The following DAAM1 variants were observed in gnomAD, a reference collection of about 807,000 sequenced individuals.
DAAM1 encodes dishevelled associated activator of morphogenesis 1.
DAAM1 carries 52 observed loss-of-function variants against 130.0 expected under a neutral mutation model. That is an observed-to-expected ratio of 0.40 (90% CI 0.32 to 0.50). DAAM1 has a LOEUF of 0.50. Among genes scored for constraint, DAAM1 ranks in the 20% least tolerant of loss-of-function variants. The pLI, the probability that DAAM1 is intolerant of heterozygous loss-of-function variation, is 0.61. For synonymous variants in DAAM1, 452 were observed against 444.5 expected (o/e 1.02, Z -0.21); for missense variants, 1,134 against 1,303.8 (o/e 0.87, Z 2.01).
intron 2 of DAAM1, among the ~76,000 whole-genome samples, chr14:59,279,500 G>C (rs1883117970): frequency 6.6e-6 from 1 of 152,102 alleles, no homozygotes; most frequent in Non-Finnish European, 1.5e-5. Context: ...CTATCTAAAT[G>C]AATATGCATA....
At chr14:59,306,490 C>T (rs10143918) in intron 3 of DAAM1, among the ~76,000 whole-genome samples, 45,989 of 151,998 alleles carry the variant, frequency 0.3, 7,077 homozygotes, top group African/African-American at 0.34. Context: ...TGTTTAGCAG[C>T]ATAGTATTAA....
At chr14:59,299,163 G>A (rs964289686) in intron 3 of DAAM1, among the ~76,000 whole-genome samples, 6 of 152,104 alleles carry the variant, frequency 3.9e-5, no homozygotes, top group Admixed American at 1.3e-4. Flanking sequence ...CCTGAATTAC[G>A]TTTGTTCCTC....
intron 3 of DAAM1, among the ~76,000 whole-genome samples, chr14:59,299,038 G>A (rs1244122710): frequency 6.6e-6 from 1 of 152,154 alleles, no homozygotes; most frequent in Middle Eastern, 3.2e-3. Context: ...CTGCAATATT[G>A]TGGACAAACT....
intron 1 of DAAM1, among the ~76,000 whole-genome samples, 171 bp downstream of exon 1, chr14:59,188,939 G>T (rs1887637902): frequency 6.6e-6 from 1 of 152,202 alleles, no homozygotes; most frequent in South Asian, 2.1e-4. Context: ...CGTCCTTCAG[G>T]TTGGGTCTGG....
At chr14:59,277,743 C>T (rs117328594) in intron 2 of DAAM1, among the ~76,000 whole-genome samples, 170 of 152,172 alleles carry the variant, frequency 1.1e-3, no homozygotes, top group Non-Finnish European at 2.0e-3. Flanking sequence ...GAAAGGAGCT[C>T]GGCCACCCAA....
At chr14:59,249,863 A>G (rs754430816) in intron 1 of DAAM1, among the ~76,000 whole-genome samples, 7 of 152,182 alleles carry the variant, frequency 4.6e-5, no homozygotes, top group Admixed American at 6.5e-5. Flanking sequence ...TGTGGCTTAT[A>G]TGCACTTTTT....
At chr14:59,198,979 C>T (rs1380444828) in intron 1 of DAAM1, among the ~76,000 whole-genome samples, 1 of 152,160 alleles carries the variant, frequency 6.6e-6, no homozygotes, top group Non-Finnish European at 1.5e-5. Context: ...AAAATAATGA[C>T]CTCACTTATG....
intron 1 of DAAM1, among the ~76,000 whole-genome samples, chr14:59,241,214 A>G (rs894018574): frequency 6.6e-6 from 1 of 152,234 alleles, no homozygotes; most frequent in Non-Finnish European, 1.5e-5. Context: ...GTTATACAAT[A>G]TGTTCTCTCC....
At chr14:59,195,145 T>A (rs1018614825) in intron 1 of DAAM1, among the ~76,000 whole-genome samples, 3 of 142,728 alleles carry the variant, frequency 2.1e-5, no homozygotes, top group African/African-American at 7.9e-5. Flanking sequence ...GTTATACTTT[T>A]TTTTTTTTTT....
chr14:59,234,486 G>T (rs993511838), intron 1 of DAAM1, among the ~76,000 whole-genome samples: 53 of 152,126 alleles, frequency 3.5e-4, no homozygotes, highest in Non-Finnish European at 6.3e-4. Context: ...TGTATCCTGA[G>T]ACTTTGCTGA....
Position 59,274,694 on chromosome 14 carries a change from CTG to C in DAAM1, c.183+11037_183+11038del, listed in dbSNP as rs781409876. Among the ~76,000 whole-genome samples the C allele has an allele frequency of 1.2e-3, 185 of 152,272 alleles. 4 individuals carry two copies. The highest frequency in any genetic ancestry group is 7.2e-4 in the Admixed American group (11 of 15,296). On this transcript the variant is annotated intron_variant, in intron 2 of 24. Coordinates refer to ENST00000360909, the MANE Select transcript of DAAM1 (RefSeq NM_001270520.2). ...TATGCATGCATGCATGAATTAATAA[CTG>C]TGGAATCCTGCAGCAGTTGGGTTTG...
intron 2 of DAAM1, among the ~76,000 whole-genome samples, chr14:59,278,244 T>G (rs938131526): frequency 1.4e-4 from 21 of 152,136 alleles, no homozygotes; most frequent in Non-Finnish European, 2.5e-4. Context: ...AGCCTACTAT[T>G]GACCTTGAGA....
In DAAM1 at chr14:59,370,380, A is replaced by G. The variant is rs1409539792; in HGVS notation, c.*1521A>G. On this transcript the variant is annotated 3_prime_UTR_variant, in exon 25 of 25. Transcript: ENST00000360909. The stretch of plus-strand genomic sequence containing the variant: ...GCATAGTAGGGCTACAATGGTAAGC[A>G]AGACAGAGTCCCTGCCCCCAAAGAG... 1 of 152,060 alleles carries G rather than the reference A, an allele frequency of 6.6e-6. No individual in the cohort carries two copies. The highest frequency in any genetic ancestry group is 2.4e-5 in the African/African-American group (1 of 41,414). The allele number at this position is 152,060 out of a possible 1,614,324, so 9.4% of individuals were successfully genotyped here.
intron 2 of DAAM1, among the ~76,000 whole-genome samples, chr14:59,282,570 C>T (rs560638425): frequency 9.9e-5 from 15 of 152,150 alleles, no homozygotes; most frequent in South Asian, 8.3e-4. Flanking sequence ...GTATCAGTGT[C>T]GTGATTTTGC....
At chr14:59,214,640 A>C (rs951456511) in intron 1 of DAAM1, among the ~76,000 whole-genome samples, 1 of 152,122 alleles carries the variant, frequency 6.6e-6, no homozygotes, top group Admixed American at 6.5e-5. Context: ...ATCTAGTTTA[A>C]TGTTTTCCAA....
chr14:59,322,830 C>T, intron 5 of DAAM1, 62 bp from the exon 6 acceptor site: 1 of 1,359,370 alleles, frequency 7.4e-7, no homozygotes. Flanking sequence ...CTAGACTTTT[C>T]TGTTAGGGGC....
intron 1 of DAAM1, among the ~76,000 whole-genome samples, chr14:59,200,145 G>A (rs149084874): frequency 2.6e-5 from 4 of 152,306 alleles, no homozygotes; most frequent in Admixed American, 6.5e-5. Context: ...TGGGAGGCCA[G>A]CCACATTTTA....
At chr14:59,330,152 T>C (rs1885367950) in intron 12 of DAAM1, among the ~76,000 whole-genome samples, 1 of 152,236 alleles carries the variant, frequency 6.6e-6, no homozygotes, top group East Asian at 1.9e-4. Flanking sequence ...TTCCTTGTAT[T>C]GCTAAAGGAC....
At chr14:59,352,400 A>T in intron 17 of DAAM1, 126 bp from the exon 18 acceptor site, 2 of 655,956 alleles carry the variant, frequency 3.0e-6, no homozygotes, top group African/African-American at 3.7e-5. Flanking sequence ...TTAACCTGTG[A>T]GCAGAGCTTA....
Sources: gnomAD v4.1 joint callset for allele counts (sites outside exome capture counted in the v4.1 genomes callset) on GRCh38, gnomAD v4.1.1 for gene constraint, MANE v1.5 for transcripts, NCBI Gene and HGNC (gene_info 2026-07-23, HGNC 2026-07-21) for gene names.